The following CPNE4 variants were observed in gnomAD, a reference collection of about 807,000 sequenced individuals.
CPNE4 encodes copine 4.
A neutral mutation model predicts 67.9 loss-of-function variants in CPNE4; 25 were observed. That is an observed-to-expected ratio of 0.37 (90% CI 0.27 to 0.51). The LOEUF (loss-of-function observed/expected upper bound fraction) is 0.51. Ranked by LOEUF, CPNE4 falls within the 20% of genes least tolerant of loss-of-function variation. CPNE4 has a pLI of 0.93. For synonymous variants in CPNE4, 242 were observed against 244.9 expected, an observed-to-expected ratio of 0.99 and a Z score of 0.11; for missense variants, 464 against 690.8, an observed-to-expected ratio of 0.67 and a Z score of 3.68.
chr3:131,583,226 G>A (rs1186172368), intron 8 of CPNE4, among the ~76,000 whole-genome samples: 1 of 152,128 alleles, frequency 6.6e-6, no homozygotes, highest in Non-Finnish European at 1.5e-5. Context: ...CATAATGAAT[G>A]TTGTCTTTCT....
chr3:131,960,721 G>A (rs1231843605), intron 1 of CPNE4, among the ~76,000 whole-genome samples: 1 of 152,134 alleles, frequency 6.6e-6, no homozygotes, highest in Non-Finnish European at 1.5e-5. Flanking sequence ...ACTCCCCAAA[G>A]AGCTGGATTC....
intron 2 of CPNE4, among the ~76,000 whole-genome samples, chr3:131,757,368 TTA>T (rs1178959300): frequency 1.3e-5 from 2 of 152,194 alleles, no homozygotes; most frequent in Non-Finnish European, 2.9e-5. Context: ...GTGACTTTTG[TTA>T]TGTTTTAGCA....
At chr3:131,823,417 C>A (rs1361011385) in intron 2 of CPNE4, among the ~76,000 whole-genome samples, 1 of 152,190 alleles carries the variant, frequency 6.6e-6, no homozygotes, top group Non-Finnish European at 1.5e-5. Flanking sequence ...AAGGCACAAG[C>A]TTGGCAATGT....
In CPNE4 at chr3:131,819,491, T is replaced by TACACACAC. The variant is rs5852655; in HGVS notation, c.180+85765_180+85772dup. Reference sequence around the variant, plus strand: ...CCACATTCACACAGACACACACAGATACACACACACACACACACACACACA... The same window carrying TACACACAC: ...CCACATTCACACAGACACACACAGATACACACACACACACACACACACACACACACACA... On this transcript the variant is annotated intron_variant, in intron 2 of 15. Coordinates refer to ENST00000429747, the MANE Select transcript of CPNE4 (RefSeq NM_130808.3). Among the ~76,000 whole-genome samples, 1,076 of 146,256 alleles carry TACACACAC rather than the reference T, an allele frequency of 7.4e-3. 8 individuals are homozygous for TACACACAC. Among genetic ancestry groups the TACACACAC allele is most frequent in the Middle Eastern group, 0.018 (5 of 282 alleles).
intron 2 of CPNE4, among the ~76,000 whole-genome samples, chr3:131,902,649 A>G (rs116081877): frequency 0.029 from 4,406 of 152,238 alleles, 212 homozygotes; most frequent in African/African-American, 0.1. Context: ...AGAAAATTTT[A>G]CAAGCATGAT....
intron 2 of CPNE4, among the ~76,000 whole-genome samples, chr3:131,745,284 T>C (rs1219027354): frequency 2.0e-5 from 3 of 152,166 alleles, no homozygotes; most frequent in Admixed American, 2.0e-4. Context: ...TTGTTTATTG[T>C]TGAGTTTTGA....
chr3:131,577,930 A>G (rs1206276513), intron 9 of CPNE4, among the ~76,000 whole-genome samples: 1 of 152,164 alleles, frequency 6.6e-6, no homozygotes, highest in East Asian at 1.9e-4. Context: ...ACATGTATAT[A>G]CAACTGCTCC....
chr3:131,932,216 G>A (rs149223437), intron 1 of CPNE4, among the ~76,000 whole-genome samples: 1 of 152,268 alleles, frequency 6.6e-6, no homozygotes, highest in Non-Finnish European at 1.5e-5. Context: ...AATTTGAAAG[G>A]CCTCATTACC....
intron 2 of CPNE4, among the ~76,000 whole-genome samples, chr3:131,876,173 A>G (rs2087436615): frequency 6.6e-6 from 1 of 151,822 alleles, no homozygotes; most frequent in South Asian, 2.1e-4. Context: ...CAGGAGGCGG[A>G]GGTTACAGTG....
At chr3:131,869,751 G>A (rs1359374786) in intron 2 of CPNE4, among the ~76,000 whole-genome samples, 1 of 152,140 alleles carries the variant, frequency 6.6e-6, no homozygotes. Context: ...GGAGAGAGAA[G>A]ACTAAGACTC....
At chr3:131,638,431 A>G (rs561069173) in intron 7 of CPNE4, among the ~76,000 whole-genome samples, 134 of 152,300 alleles carry the variant, frequency 8.8e-4, no homozygotes, top group African/African-American at 3.1e-3. Context: ...CAAAGAGGTG[A>G]TAGTATAATG....
chr3:131,923,892 AAAAGT>A (rs1326352822), intron 1 of CPNE4, among the ~76,000 whole-genome samples: 1 of 151,932 alleles, frequency 6.6e-6, no homozygotes, highest in Non-Finnish European at 1.5e-5. Context: ...TCTCTCCACC[AAAAGT>A]AAGACCCAGA....
intron 3 of CPNE4, among the ~76,000 whole-genome samples, chr3:131,714,127 A>G (rs2081624281): frequency 6.6e-6 from 1 of 152,182 alleles, no homozygotes; most frequent in East Asian, 1.9e-4. Flanking sequence ...GATATTAGAT[A>G]GTATGCAACA....
chr3:131,748,134 A>G (rs2107791958), intron 2 of CPNE4, among the ~76,000 whole-genome samples: 1 of 152,156 alleles, frequency 6.6e-6, no homozygotes, highest in East Asian at 1.9e-4. Flanking sequence ...TGTTAATATT[A>G]ATGTAATATT....
chr3:131,916,261 A>C (rs868835750), intron 1 of CPNE4, among the ~76,000 whole-genome samples: 1 of 151,952 alleles, frequency 6.6e-6, no homozygotes. Flanking sequence ...TACCTTCTTA[A>C]TAAAATCATA....
intron 5 of CPNE4, among the ~76,000 whole-genome samples, chr3:131,691,252 T>C (rs2081027167): frequency 1.3e-5 from 2 of 152,144 alleles, no homozygotes; most frequent in Admixed American, 1.3e-4. Flanking sequence ...ACACATGCAC[T>C]TGTATGTTCA....
intron 1 of CPNE4, among the ~76,000 whole-genome samples, chr3:131,971,098 G>C (rs1204813283): frequency 6.6e-6 from 1 of 152,202 alleles, no homozygotes; most frequent in Non-Finnish European, 1.5e-5. Flanking sequence ...AAGAGTCCAA[G>C]ATGGTTACAG....
At chr3:131,899,169 T>C in intron 2 of CPNE4, among the ~76,000 whole-genome samples, 1 of 152,230 alleles carries the variant, frequency 6.6e-6, no homozygotes, top group Non-Finnish European at 1.5e-5. Context: ...CCTAGTCAAG[T>C]GAGTGTGGGA....
At chr3:131,931,701 C>A (rs2071065591) in intron 1 of CPNE4, among the ~76,000 whole-genome samples, 1 of 151,954 alleles carries the variant, frequency 6.6e-6, no homozygotes, top group Non-Finnish European at 1.5e-5. Context: ...AAAAAAATTC[C>A]AAAAATCAGC....
Sources: allele counts gnomAD v4.1 joint callset (sites outside exome capture counted in the v4.1 genomes callset), GRCh38; gene constraint gnomAD v4.1.1; transcripts MANE v1.5; gene names NCBI Gene and HGNC (gene_info 2026-07-23, HGNC 2026-07-21).